SARDH: variants seen among roughly 807,000 people sequenced by gnomAD.
SARDH encodes sarcosine dehydrogenase, mitochondrial.
A neutral mutation model predicts 109.1 loss-of-function variants in SARDH; 95 were observed. That is an observed-to-expected ratio of 0.87 (90% CI 0.74 to 1.03). The LOEUF (loss-of-function observed/expected upper bound fraction) is 1.03. SARDH is among the 50% of genes least tolerant of loss of function. SARDH has a pLI of 0.00. For synonymous variants in SARDH, 572 were observed against 534.8 expected (o/e 1.07, Z -0.96); for missense variants, 1,267 against 1,287.8 (o/e 0.98, Z 0.25).
intron 1 of SARDH, among the ~76,000 whole-genome samples, chr9:133,737,468 G>T (rs921304414): frequency 2.0e-5 from 3 of 152,160 alleles, no homozygotes; most frequent in African/African-American, 7.2e-5. Flanking sequence ...TCTTCCAGGA[G>T]CCCCCAAAAG....
At chr9:133,736,040 C>CAAA (rs60023194) in intron 1 of SARDH, among the ~76,000 whole-genome samples, 1 of 116,858 alleles carries the variant, frequency 8.6e-6, no homozygotes, top group African/African-American at 3.0e-5. Context: ...AACTCCGTCT[C>CAAA]AAAAAAAAAA....
intron 6 of SARDH, among the ~76,000 whole-genome samples, chr9:133,726,396 A>AATAATAATAATAATAATAATAATAAT (rs1554759959): frequency 6.9e-6 from 1 of 145,202 alleles, no homozygotes; most frequent in African/African-American, 2.5e-5. Flanking sequence ...TAATAATAAT[A>AATAATAATAATAATAATAATAATAAT]GTAGTAGTAG....
At position 133,679,627 on chromosome 9, in the gene SARDH, A is replaced by G. The variant is rs369953791; in HGVS notation, c.2163+5566T>C. On this transcript the variant is annotated intron_variant, in intron 17 of 20. Coordinates refer to ENST00000439388, the MANE Select transcript of SARDH (RefSeq NM_001134707.2). ...CCCACGGGGAATCTTGCTGGCCTCG[A>G]GGCAAGATATTTGGGGAGCAAGGAC... Among the ~76,000 whole-genome samples, 6 of 152,150 alleles carry G rather than the reference A, an allele frequency of 3.9e-5. No individual in the cohort carries two copies. The East Asian group carries it at 1.2e-3, about 29-fold the overall frequency.
At position 133,685,198 on chromosome 9, in the gene SARDH, GC is replaced by G; in HGVS notation, c.2157del (p.His720ThrfsTer32). On this transcript the variant is annotated frameshift_variant, in exon 17 of 21. Transcript: ENST00000439388. LOFTEE classifies it high-confidence loss of function. ...CGTGGCCAGCTGGAACCTACCAGGT[GC>G]CCTGCGGCTCTCAGTAGCTTGTGGG... ...FSTHKLLRAAGHLVRAMRLSF... is the reference protein window; with the variant it reads ...FSTHKLLRAAXHLVRAMRLSF... 6.2e-7 allele frequency: 1 copy of G among 1,613,718 alleles called. No homozygotes were observed. Among genetic ancestry groups the G allele is most frequent in the Non-Finnish European group, 8.5e-7 (1 of 1,179,822 alleles).
At chr9:133,664,051 T>C (rs1337316547) in intron 20 of SARDH, 37 bp from the exon 21 acceptor site, 1 of 1,611,626 alleles carries the variant, frequency 6.2e-7, no homozygotes, top group Admixed American at 1.7e-5. Flanking sequence ...CACTCTCTGT[T>C]GGTAGGTACA....
At chr9:133,713,306 G>A (rs938256119) in intron 8 of SARDH, among the ~76,000 whole-genome samples, 182 bp from the exon 9 acceptor site, 7 of 149,890 alleles carry the variant, frequency 4.7e-5, no homozygotes, top group South Asian at 2.2e-4. Context: ...GCTCCTGCCC[G>A]TGCTCTCTGA....
intron 8 of SARDH, among the ~76,000 whole-genome samples, chr9:133,713,713 C>A (rs1328238381): frequency 6.6e-6 from 1 of 152,228 alleles, no homozygotes; most frequent in Admixed American, 6.5e-5. Flanking sequence ...GGGAGGGGAA[C>A]CCTGGCTCTC....
intron 16 of SARDH, among the ~76,000 whole-genome samples, chr9:133,688,205 C>T (rs887853130): frequency 2.0e-5 from 3 of 152,196 alleles, no homozygotes; most frequent in African/African-American, 4.8e-5. Flanking sequence ...GAAAAGCACA[C>T]AGCATCGCGG....
At position 133,675,717 on chromosome 9, in the gene SARDH, C is replaced by T. The variant is rs369504045; in HGVS notation, c.2164-4020G>A. On this transcript the variant is annotated intron_variant, in intron 17 of 20. Coordinates refer to ENST00000439388, the MANE Select transcript of SARDH (RefSeq NM_001134707.2). ...CCCAAAGGAATTGAAAGGAGGGATT[C>T]GAAGAGGTATTTGCACACTCATATT... Among the ~76,000 whole-genome samples, 53 of 152,276 alleles carry T rather than the reference C, an allele frequency of 3.5e-4. No individual in the cohort carries two copies. The South Asian group carries it at 6.8e-3, about 20-fold the overall frequency.
chr9:133,705,002 C>T lies in SARDH; in HGVS notation c.1500G>A (p.Gln500=). 1.9e-6 allele frequency: 3 copies of T among 1,591,924 alleles called. No homozygotes were observed. Among genetic ancestry groups the T allele is most frequent in the African/African-American group, 1.3e-5 (1 of 74,898 alleles). The stretch of plus-strand genomic sequence containing the variant: ...CCGGTCGCTCCCAGCCATGCCGCTC[C>T]TGGAACACGCAGCCTTGTCCAAGGA... ...EELLGQGCVF[Q]ERHGWERPGW... Residue 500 remains glutamine (Q), a synonymous_variant, in exon 12 of 21, where the codon CAG becomes CAA. Transcript: ENST00000439388.
In SARDH at chr9:133,685,288, T is replaced by C. The variant is rs1830846101; in HGVS notation, c.2070-2A>G. 2 of 1,613,002 alleles carry C rather than the reference T, an allele frequency of 1.2e-6. No individual in the cohort carries two copies. Among genetic ancestry groups the C allele is most frequent in the Non-Finnish European group, 1.7e-6 (2 of 1,179,806 alleles). ...AGCACCTCCTGCAAAATGGCTCGGC[T>C]GCAGGCAAGAGCAAAGTCGCTCAGT... On this transcript the variant is annotated splice_acceptor_variant, in intron 16 of 20. Transcript: ENST00000439388. LOFTEE classifies it high-confidence loss of function.
chr9:133,660,936 C>G (rs1832404477), downstream of SARDH, among the ~76,000 whole-genome samples: 1 of 152,234 alleles, frequency 6.6e-6, no homozygotes, highest in Non-Finnish European at 1.5e-5. Flanking sequence ...GGTGCTGTGG[C>G]TCATGCCTGT....
At chr9:133,699,790 C>A (rs1332813451) in intron 13 of SARDH, among the ~76,000 whole-genome samples, 1 of 152,178 alleles carries the variant, frequency 6.6e-6, no homozygotes, top group African/African-American at 2.4e-5. Flanking sequence ...TAATGTGGTA[C>A]AGTTACTTTG....
At chr9:133,690,811 G>A (rs556143017) in intron 15 of SARDH, among the ~76,000 whole-genome samples, 68 of 152,260 alleles carry the variant, frequency 4.5e-4, no homozygotes, top group African/African-American at 1.5e-3. Flanking sequence ...CTGGGAGGAC[G>A]GTGTCTTGGG....
downstream of SARDH, among the ~76,000 whole-genome samples, chr9:133,661,995 G>A (rs535430241): frequency 5.9e-5 from 9 of 152,300 alleles, no homozygotes; most frequent in East Asian, 5.8e-4. Flanking sequence ...GAGCCATGGC[G>A]GGGCCAGGAC....
At chr9:133,678,958 G>T (rs776476861) in intron 17 of SARDH, among the ~76,000 whole-genome samples, 6 of 152,154 alleles carry the variant, frequency 3.9e-5, no homozygotes, top group Non-Finnish European at 5.9e-5. Flanking sequence ...ACCTGGAACC[G>T]ATTGCCCCTG....
chr9:133,731,351 C>T lies in SARDH; in HGVS notation c.644G>A (p.Gly215Asp). ...TGCCCTGGCGAGGGTGGTACAGGTG[C>T]CAGCGGGGTCCATGGTACCGTCGTG... is the stretch of plus-strand genomic sequence containing the variant. The part of the protein sequence containing the change: ...VPHDGTMDPA[G>D]TCTTLARAAS... Residue 215 changes from glycine (G) to aspartate (D), a missense_variant, in exon 4 of 21, where the codon GGC (glycine) becomes GAC (aspartate). Coordinates refer to ENST00000439388, the MANE Select transcript of SARDH (RefSeq NM_001134707.2). The T allele has an allele frequency of 6.2e-7, 1 of 1,614,212 alleles. No individual in the cohort carries two copies. The highest frequency in any genetic ancestry group is 8.5e-7 in the Non-Finnish European group (1 of 1,180,032).
In SARDH at chr9:133,702,822, G is replaced by C. The variant is rs921356010; in HGVS notation, c.1668+94C>G. ...AGCCCGAAGAGACTCCTGGGGGAGG[G>C]GAGCCCCTGCAGGGCCAGCCGAGGG... On this transcript the variant is annotated intron_variant, in intron 13 of 20. Transcript: ENST00000439388. 50 of 1,080,382 alleles carry C rather than the reference G, an allele frequency of 4.6e-5. No individual in the cohort carries two copies. The South Asian group carries it at 6.5e-4, about 14-fold the overall frequency. The allele number at this position is 1,080,382 out of a possible 1,614,324, so 66.9% of individuals were successfully genotyped here. A position where few individuals can be genotyped will look rare whatever the true frequency, so the allele number is the denominator to read the frequency against.
At chr9:133,682,261 G>C (rs530564951) in intron 17 of SARDH, among the ~76,000 whole-genome samples, 1 of 152,202 alleles carries the variant, frequency 6.6e-6, no homozygotes, top group African/African-American at 2.4e-5. Flanking sequence ...CTCGGGGAAC[G>C]TTCAAAGGAA....
Sources: allele counts gnomAD v4.1 joint callset (sites outside exome capture counted in the v4.1 genomes callset), GRCh38; gene constraint gnomAD v4.1.1; transcripts MANE v1.5; gene names NCBI Gene and HGNC (gene_info 2026-07-23, HGNC 2026-07-21).